The following DNAH14 variants were observed in gnomAD, a reference collection of about 807,000 sequenced individuals.
DNAH14 encodes the protein axonemal beta dynein heavy chain 14.
In DNAH14, 478 loss-of-function variants were observed where a neutral mutation model predicts 520.9. That is an observed-to-expected ratio of 0.92 (90% CI 0.85 to 0.99). DNAH14 has a LOEUF of 0.99. Ranked by LOEUF, DNAH14 falls within the 50% of genes least tolerant of loss-of-function variation. The pLI is 0.00. For missense variants in DNAH14, 4,831 were observed against 5,234.5 expected (o/e 0.92, Z 2.38); for synonymous variants, 1,581 against 1,757.2 (o/e 0.90, Z 2.51).
At chr1:225,266,150 T>A (rs1444959222) in intron 48 of DNAH14, among the ~76,000 whole-genome samples, 3 of 152,158 alleles carry the variant, frequency 2.0e-5, no homozygotes, top group African/African-American at 7.2e-5. Flanking sequence ...CTGCTTGTTG[T>A]TCATAACAAC....
rs1212444306 is a variant in DNAH14 at position 224,994,658 on chromosome 1, A to G, written c.831-8125A>G. Among the ~76,000 whole-genome samples the G allele has an allele frequency of 2.6e-5, 4 of 152,016 alleles. No homozygotes were observed. In the East Asian group the frequency reaches 7.7e-4, roughly 29 times the overall value. ...CACTTTTTATTGAAGAATTTAATCC[A>G]TTTATATTCAAGGTAATTATGGACA... On this transcript the variant is annotated intron_variant, in intron 8 of 85. Transcript: ENST00000682510.
Position 225,087,037 on chromosome 1 carries a change from GCCTTCT to G in DNAH14, c.3573+1249_3573+1254del, listed in dbSNP as rs1365335547. Among the ~76,000 whole-genome samples, 321 of 120,134 alleles carry G rather than the reference GCCTTCT, an allele frequency of 2.7e-3. 1 individual carries two copies. Among genetic ancestry groups the G allele is most frequent in the Non-Finnish European group, 4.0e-3 (232 of 58,320 alleles). The allele number at this position is 120,134 out of a possible 152,430, so 78.8% of individuals were successfully genotyped here. On this transcript the variant is annotated intron_variant, in intron 21 of 85. Coordinates refer to ENST00000682510, the MANE Select transcript of DNAH14 (RefSeq NM_001367479.1). Reference sequence around the variant, plus strand: ...ACACACACACACACACACACACACAGCCTTCTACTTCTAAGCAAGATGGAGTTTGGG... The same window carrying G: ...ACACACACACACACACACACACACAGACTTCTAAGCAAGATGGAGTTTGGG...
chr1:225,109,836 C>T (rs1310385441), intron 23 of DNAH14, among the ~76,000 whole-genome samples: 1 of 152,134 alleles, frequency 6.6e-6, no homozygotes, highest in African/African-American at 2.4e-5. Context: ...TAGTGTGATA[C>T]TAGCTGTGAG....
At chr1:225,221,793 A>C (rs2149512427) in intron 41 of DNAH14, among the ~76,000 whole-genome samples, 1 of 152,308 alleles carries the variant, frequency 6.6e-6, no homozygotes, top group East Asian at 1.9e-4. Context: ...GTCAAAGGGC[A>C]TAGGTATAAA....
At chr1:225,331,719 A>G in intron 65 of DNAH14, 142 bp downstream of exon 65, 5 of 1,147,968 alleles carry the variant, frequency 4.4e-6, no homozygotes, top group Non-Finnish European at 6.1e-6. Flanking sequence ...ATCAGTAGAC[A>G]TCCTATTCAC....
At chr1:225,248,428 T>C (rs114586525) in intron 43 of DNAH14, among the ~76,000 whole-genome samples, 2,183 of 152,292 alleles carry the variant, frequency 0.014, 45 homozygotes, top group East Asian at 0.05. Context: ...GTAGTGGAAG[T>C]GTGCTAAGGT....
intron 17 of DNAH14, among the ~76,000 whole-genome samples, chr1:225,070,158 C>A (rs2071394699): frequency 6.6e-6 from 1 of 152,082 alleles, no homozygotes; most frequent in Non-Finnish European, 1.5e-5. Context: ...AAAAACCCAG[C>A]TCCTGGATTC....
chr1:225,066,392 T>G (rs537716645), intron 17 of DNAH14, among the ~76,000 whole-genome samples: 3 of 152,208 alleles, frequency 2.0e-5, no homozygotes, highest in South Asian at 2.1e-4. Context: ...CAGGGTCATA[T>G]CCAAGAAATC....
chr1:225,353,009 T>C (rs972997759), intron 72 of DNAH14, among the ~76,000 whole-genome samples: 1 of 152,148 alleles, frequency 6.6e-6, no homozygotes, highest in African/African-American at 2.4e-5. Flanking sequence ...TTTTGTAAAG[T>C]GAAGATCTTT....
At chr1:225,104,309 G>A (rs1349108365) in intron 23 of DNAH14, among the ~76,000 whole-genome samples, 4 of 152,078 alleles carry the variant, frequency 2.6e-5, no homozygotes, top group African/African-American at 7.2e-5. Context: ...GAGGATTTTT[G>A]CATTGATGTT....
intron 8 of DNAH14, among the ~76,000 whole-genome samples, chr1:224,974,734 A>G (rs2061701105): frequency 6.6e-6 from 1 of 150,832 alleles, no homozygotes; most frequent in Non-Finnish European, 1.5e-5. Context: ...TCTTATTCCT[A>G]CTCTCTCCTT....
At position 224,968,773 on chromosome 1, in the gene DNAH14, T is replaced by TG; in HGVS notation, c.668dup (p.Ser224Ter). 1 of 1,504,922 alleles carries TG rather than the reference T, an allele frequency of 6.6e-7. No individual in the cohort carries two copies. Among genetic ancestry groups the TG allele is most frequent in the Non-Finnish European group, 8.9e-7 (1 of 1,122,048 alleles). 93.2% of individuals were successfully genotyped at this position (1,504,922 alleles called of 1,614,324 possible). ...TTATTTTGTAGGTTATTAATATAGT[T>TG]GGTAGTGTAAAGGAAGTAGAACTCA... On this transcript the variant is annotated frameshift_variant, in exon 7 of 86. Transcript: ENST00000682510. LOFTEE classifies it high-confidence loss of function.
intron 41 of DNAH14, among the ~76,000 whole-genome samples, chr1:225,223,832 T>C (rs532874484): frequency 6.6e-6 from 1 of 152,346 alleles, no homozygotes; most frequent in African/African-American, 2.4e-5. Context: ...CAGTATCATG[T>C]AAATCAGGCT....
chr1:225,314,158 C>T (rs532864496), intron 60 of DNAH14, among the ~76,000 whole-genome samples: 2 of 152,244 alleles, frequency 1.3e-5, no homozygotes, highest in Non-Finnish European at 2.9e-5. Flanking sequence ...ATAGTTAGCT[C>T]TTCTTGCTGC....
chr1:225,122,608 A>G (rs1484355511), intron 26 of DNAH14, among the ~76,000 whole-genome samples: 1 of 152,232 alleles, frequency 6.6e-6, no homozygotes, highest in Admixed American at 6.5e-5. Flanking sequence ...TAAAAGTCAT[A>G]AGGACTTTTC....
At position 225,351,895 on chromosome 1, in the gene DNAH14, T is replaced by C. The variant is rs185343828; in HGVS notation, c.11533+12T>C. On this transcript the variant is annotated intron_variant, in intron 72 of 85. Transcript: ENST00000682510. ...ACCACCAGAGGAAAGTAAGAAAGCATTCAGTGTTTTAACCTAACTTAAGTA... is the reference window on the plus strand; with the variant it reads ...ACCACCAGAGGAAAGTAAGAAAGCACTCAGTGTTTTAACCTAACTTAAGTA... 6.5e-7 allele frequency: 1 copy of C among 1,545,108 alleles called. No individual in the cohort carries two copies. Among genetic ancestry groups the C allele is most frequent in the East Asian group, 2.4e-5 (1 of 40,866 alleles).
In DNAH14 at chr1:224,952,736, G is replaced by GA. The variant is rs2060257553; in HGVS notation, c.38dup (p.Asn13LysfsTer19). On this transcript the variant is annotated frameshift_variant, in exon 2 of 86. Coordinates refer to ENST00000682510, the MANE Select transcript of DNAH14 (RefSeq NM_001367479.1). LOFTEE classifies it high-confidence loss of function. ...GTTTATACCCATTGATTTGACAACT[G>GA]AAAATCAAGAGATGGACAAGGAGGA... The GA allele has an allele frequency of 6.2e-7, 1 of 1,603,926 alleles. No individual in the cohort carries two copies. The highest frequency in any genetic ancestry group is 1.7e-5 in the Admixed American group (1 of 58,422).
At chr1:225,307,144 T>C (rs1330019564) in intron 58 of DNAH14, among the ~76,000 whole-genome samples, 1 of 152,200 alleles carries the variant, frequency 6.6e-6, no homozygotes, top group Non-Finnish European at 1.5e-5. Context: ...TTATTAGTTT[T>C]TCCTTTGAGT....
At chr1:225,071,149 G>A (rs2071501076) in intron 17 of DNAH14, among the ~76,000 whole-genome samples, 1 of 152,148 alleles carries the variant, frequency 6.6e-6, no homozygotes, top group African/African-American at 2.4e-5. Flanking sequence ...ACCACTCTGT[G>A]TTTTTTAATT....
Sources: gnomAD v4.1 joint callset for allele counts (sites outside exome capture counted in the v4.1 genomes callset) on GRCh38, gnomAD v4.1.1 for gene constraint, MANE v1.5 for transcripts, NCBI Gene and HGNC (gene_info 2026-07-23, HGNC 2026-07-21) for gene names.